Variants in ITGB6 observed in about 807,000 individuals in gnomAD.
ITGB6 encodes integrin subunit beta 6, also known as integrin beta-6.
In ITGB6, 80 loss-of-function variants were observed where a neutral mutation model predicts 84.5. The observed-to-expected ratio is 0.95, with a 90% CI of 0.79 to 1.14. The LOEUF (loss-of-function observed/expected upper bound fraction) is 1.14, where lower values mean the gene tolerates loss of function less well. Among genes scored for constraint, ITGB6 ranks in the 50% most tolerant of loss-of-function variants. ITGB6 has a pLI of 0.00. For missense variants in ITGB6, 1,006 were observed against 968.0 expected, an observed-to-expected ratio of 1.04 and a Z score of -0.52; for synonymous variants, 383 against 354.9, an observed-to-expected ratio of 1.08 and a Z score of -0.89.
chr2:160,176,621 C>T (rs1450164900), intron 4 of ITGB6, among the ~76,000 whole-genome samples: 2 of 152,158 alleles, frequency 1.3e-5, no homozygotes, highest in African/African-American at 4.8e-5. Flanking sequence ...GAATACAGCA[C>T]GATGAGCTTT....
Position 160,137,489 on chromosome 2 carries a change from A to G in ITGB6, c.1605T>C (p.Pro535=). The change falls in exon 10 of 15, where the codon CCT becomes CCC. Residue 535 remains proline, a synonymous_variant. Transcript: ENST00000283249. ...AGGAGAAATTGTCACACTGGCAATA[A>G]GGCCCATAAATGTTTCCATAGGGAG... ...HLSPYGNIYG[P]YCQCDNFSCV... is the part of the protein sequence containing the mutation. 2 of 1,614,000 alleles carry G rather than the reference A, an allele frequency of 1.2e-6. No homozygotes were observed. The highest frequency in any genetic ancestry group is 1.7e-6 in the Non-Finnish European group (2 of 1,179,848).
chr2:160,129,839 C>T (rs1683391384), intron 10 of ITGB6, among the ~76,000 whole-genome samples: 2 of 151,910 alleles, frequency 1.3e-5, no homozygotes, highest in Admixed American at 1.3e-4. Flanking sequence ...AATCACCAAA[C>T]AAAGATGATA....
At chr2:160,130,718 A>G (rs1574064371) in intron 10 of ITGB6, among the ~76,000 whole-genome samples, 1 of 152,196 alleles carries the variant, frequency 6.6e-6, no homozygotes, top group South Asian at 2.1e-4. Flanking sequence ...CTAAACTACA[A>G]TATCTTTTTG....
At chr2:160,183,241 A>T (rs1685757961) in intron 4 of ITGB6, among the ~76,000 whole-genome samples, 1 of 152,202 alleles carries the variant, frequency 6.6e-6, no homozygotes. Flanking sequence ...TATTCAGGAG[A>T]CACATGTCAC....
At chr2:160,117,408 A>G (rs1682830913) in intron 12 of ITGB6, among the ~76,000 whole-genome samples, 1 of 152,114 alleles carries the variant, frequency 6.6e-6, no homozygotes, top group Non-Finnish European at 1.5e-5. Flanking sequence ...CTGCTCCTGA[A>G]TGACTACTGG....
chr2:160,132,844 C>G (rs1427514328), intron 10 of ITGB6, among the ~76,000 whole-genome samples: 5 of 151,998 alleles, frequency 3.3e-5, no homozygotes, highest in Non-Finnish European at 7.4e-5. Context: ...TTAAATTTTT[C>G]TCAAATTTCT....
intron 4 of ITGB6, among the ~76,000 whole-genome samples, chr2:160,176,924 T>C (rs1322346801): frequency 6.6e-6 from 1 of 152,226 alleles, no homozygotes; most frequent in African/African-American, 2.4e-5. Context: ...AATTAAATAA[T>C]ATAGTGATCC....
chr2:160,193,974 T>C (rs868002677), intron 4 of ITGB6, among the ~76,000 whole-genome samples: 3 of 152,264 alleles, frequency 2.0e-5, no homozygotes, highest in Non-Finnish European at 2.9e-5. Flanking sequence ...CTGGCCAACA[T>C]AGCGAAACCC....
At chr2:160,143,858 A>C (rs1181252454) in intron 7 of ITGB6, among the ~76,000 whole-genome samples, 2 of 152,202 alleles carry the variant, frequency 1.3e-5, no homozygotes. Flanking sequence ...CACAGAATGC[A>C]TGCAGGGTGC....
intron 4 of ITGB6, among the ~76,000 whole-genome samples, chr2:160,186,159 G>T (rs563436026): frequency 6.6e-6 from 1 of 150,660 alleles, no homozygotes; most frequent in Non-Finnish European, 1.5e-5. Context: ...CACAGCAAAA[G>T]AAACTATTAT....
At position 160,158,241 on chromosome 2, in the gene ITGB6, C is replaced by T. The variant is rs149746966; in HGVS notation, c.1017+10971G>A. 4.3e-3 allele frequency among the ~76,000 whole-genome samples: 655 copies of T among 152,254 alleles called. 8 individuals are homozygous for T. Among genetic ancestry groups the T allele is most frequent in the African/African-American group, 0.015 (622 of 41,538 alleles). ...TCTGCCCCAGCAATGACTAGGTTGT[C>T]GGCATCGGAACTTTTGAGCACTACC... On this transcript the variant is annotated intron_variant, in intron 7 of 14. Coordinates refer to ENST00000283249, the MANE Select transcript of ITGB6 (RefSeq NM_000888.5).
chr2:160,146,001 A>G (rs1337663391), intron 7 of ITGB6, among the ~76,000 whole-genome samples: 1 of 151,980 alleles, frequency 6.6e-6, no homozygotes, highest in African/African-American at 2.4e-5. Flanking sequence ...CAGTAACTCT[A>G]CTGGGCCCTT....
At chr2:160,140,897 GA>G (rs1464765968) in intron 8 of ITGB6, among the ~76,000 whole-genome samples, 10 of 152,002 alleles carry the variant, frequency 6.6e-5, no homozygotes, top group Admixed American at 6.5e-4. Flanking sequence ...AATTATTGGG[GA>G]ATTTTTTTTC....
chr2:160,129,926 G>A (rs184360037), intron 10 of ITGB6, among the ~76,000 whole-genome samples: 14 of 151,814 alleles, frequency 9.2e-5, no homozygotes, highest in South Asian at 2.1e-4. Flanking sequence ...ATGTGTGTGT[G>A]TATATATATA....
At chr2:160,128,449 C>T (rs891218203) in intron 10 of ITGB6, among the ~76,000 whole-genome samples, 1 of 152,052 alleles carries the variant, frequency 6.6e-6, no homozygotes, top group Non-Finnish European at 1.5e-5. Context: ...GCCTTATTGG[C>T]TGAAGGAAGA....
In ITGB6 at chr2:160,174,690, A is replaced by G. The variant is rs1484526027; in HGVS notation, c.594-551T>C. On this transcript the variant is annotated intron_variant, in intron 4 of 14. Coordinates refer to ENST00000283249, the MANE Select transcript of ITGB6 (RefSeq NM_000888.5). ...AATAGGCCAGTCTAGAAATAAAACC[A>G]CTACTTAAGGTACAATGTTACGATG... Among the ~76,000 whole-genome samples the G allele has an allele frequency of 3.3e-5, 5 of 152,180 alleles. No individual in the cohort carries two copies. In the East Asian group the frequency reaches 9.6e-4, roughly 29 times the overall value.
intron 7 of ITGB6, among the ~76,000 whole-genome samples, chr2:160,164,335 T>C (rs1218889789): frequency 2.0e-5 from 3 of 152,212 alleles, no homozygotes; most frequent in Non-Finnish European, 4.4e-5. Flanking sequence ...TTCAATGATA[T>C]GCTAGATATC....
At chr2:160,147,202 T>C (rs1317567462) in intron 7 of ITGB6, among the ~76,000 whole-genome samples, 1 of 151,554 alleles carries the variant, frequency 6.6e-6, no homozygotes, top group Admixed American at 6.6e-5. Context: ...AGAAAGAGAA[T>C]ATAACCAGCT....
intron 7 of ITGB6, among the ~76,000 whole-genome samples, chr2:160,150,659 TG>T (rs1426776339): frequency 1.3e-5 from 2 of 152,096 alleles, no homozygotes. Context: ...AGACACAGAC[TG>T]GCAAATTGGA....
Sources: gnomAD v4.1 joint callset for allele counts (sites outside exome capture counted in the v4.1 genomes callset) on GRCh38, gnomAD v4.1.1 for gene constraint, MANE v1.5 for transcripts, NCBI Gene and HGNC (gene_info 2026-07-23, HGNC 2026-07-21) for gene names.